The following IRAK1BP1 variants were observed in gnomAD, a reference collection of about 807,000 sequenced individuals.
The protein encoded by IRAK1BP1 is interleukin-1 receptor-associated kinase 1-binding protein 1.
IRAK1BP1 carries 24 observed loss-of-function variants against 28.0 expected under a neutral mutation model. The observed-to-expected ratio is 0.86, with a 90% CI of 0.62 to 1.20. IRAK1BP1 has a LOEUF of 1.20. Ranked by LOEUF, IRAK1BP1 falls within the 50% of genes most tolerant of loss-of-function variation. The pLI is 0.00. For synonymous variants in IRAK1BP1, 131 were observed against 116.3 expected, an observed-to-expected ratio of 1.13 and a Z score of -0.81; for missense variants, 336 against 316.7, an observed-to-expected ratio of 1.06 and a Z score of -0.46.
At chr6:78,958,578 C>A in the IRAK1BP1 span, 1 of 1,577,728 alleles carries the variant, frequency 6.3e-7, no homozygotes, top group Non-Finnish European at 8.7e-7. Context: ...TATCGAACTT[C>A]CCACATTAGG....
chr6:78,955,293 A>T, the IRAK1BP1 span: 1 of 1,588,210 alleles, frequency 6.3e-7, no homozygotes, highest in Non-Finnish European at 8.6e-7. Flanking sequence ...CTTTGAGGCA[A>T]GAATTTACCA....
chr6:78,868,845 T>C (rs1770690147), intron 1 of IRAK1BP1, among the ~76,000 whole-genome samples: 1 of 152,110 alleles, frequency 6.6e-6, no homozygotes, highest in African/African-American at 2.4e-5. Flanking sequence ...TTTTATAGAG[T>C]AGGACCCCAA....
chr6:78,871,177 A>G, intron 1 of IRAK1BP1: 1 of 784,196 alleles, frequency 1.3e-6, no homozygotes, highest in Non-Finnish European at 1.5e-6. Context: ...AATGCTACCA[A>G]GAATTACCCT....
At chr6:78,968,326 A>G in the IRAK1BP1 span, among the ~76,000 whole-genome samples, 1 of 152,222 alleles carries the variant, frequency 6.6e-6, no homozygotes, top group Admixed American at 6.5e-5. Context: ...TCTTGAAGAC[A>G]TGGGTTTTAA....
chr6:78,972,580 G>A, the IRAK1BP1 span, among the ~76,000 whole-genome samples: 5 of 152,122 alleles, frequency 3.3e-5, no homozygotes, highest in Non-Finnish European at 7.4e-5. Context: ...AAATTACTCT[G>A]AGCTACAGGA....
At chr6:78,897,158 T>G (rs1261361010) in intron 2 of IRAK1BP1, among the ~76,000 whole-genome samples, 1 of 146,930 alleles carries the variant, frequency 6.8e-6, no homozygotes, top group African/African-American at 2.5e-5. Flanking sequence ...AAGGCTGAGG[T>G]AGGAGGATCG....
downstream of IRAK1BP1, chr6:78,947,901 TC>T (rs1412670200): frequency 3.7e-6 from 2 of 536,422 alleles, no homozygotes; most frequent in Non-Finnish European, 6.5e-6. Flanking sequence ...TCACTCCTGT[TC>T]CCCTTATCAA....
downstream of IRAK1BP1, among the ~76,000 whole-genome samples, chr6:78,903,476 G>A (rs1772174030): frequency 6.6e-6 from 1 of 152,064 alleles, no homozygotes; most frequent in Non-Finnish European, 1.5e-5. Flanking sequence ...GGGCGACAGT[G>A]CGAGACTATT....
chr6:78,895,889 A>G (rs1466987969), intron 2 of IRAK1BP1, among the ~76,000 whole-genome samples: 3 of 152,228 alleles, frequency 2.0e-5, no homozygotes, highest in Non-Finnish European at 4.4e-5. Flanking sequence ...AATAAAAGAC[A>G]TCCAGAGTGG....
intron 2 of IRAK1BP1, among the ~76,000 whole-genome samples, chr6:78,888,869 GC>G (rs1447807686): frequency 2.0e-5 from 3 of 152,082 alleles, no homozygotes; most frequent in African/African-American, 7.2e-5. Context: ...TCTAATCCCA[GC>G]ACTTTGGGAG....
chr6:78,949,108 T>C (rs887853094), downstream of IRAK1BP1, among the ~76,000 whole-genome samples: 10 of 152,180 alleles, frequency 6.6e-5, no homozygotes, highest in Non-Finnish European at 1.5e-4. Context: ...GTAAACATGA[T>C]ATTAGCTGTA....
At chr6:78,875,645 C>G (rs1162583199) in intron 1 of IRAK1BP1, among the ~76,000 whole-genome samples, 1 of 152,152 alleles carries the variant, frequency 6.6e-6, no homozygotes, top group African/African-American at 2.4e-5. Context: ...CACATATTCT[C>G]ACTTATAAGT....
chr6:78,978,350 T>C, the IRAK1BP1 span, among the ~76,000 whole-genome samples: 12 of 152,052 alleles, frequency 7.9e-5, no homozygotes, highest in Admixed American at 7.9e-4. Context: ...TACTAAAACA[T>C]ACATTTCTTT....
the IRAK1BP1 span, chr6:78,954,991 A>T: frequency 7.5e-6 from 11 of 1,472,010 alleles, no homozygotes; most frequent in Middle Eastern, 3.6e-4. Context: ...AAATATATTA[A>T]TAAAAGAGCA....
At chr6:78,887,851 G>T (rs1771485836) in intron 2 of IRAK1BP1, among the ~76,000 whole-genome samples, 1 of 152,150 alleles carries the variant, frequency 6.6e-6, no homozygotes, top group South Asian at 2.1e-4. Flanking sequence ...TCCCACTCCT[G>T]GGTGTATATC....
intron 1 of IRAK1BP1, among the ~76,000 whole-genome samples, chr6:78,873,671 A>C (rs1380778561): frequency 6.6e-6 from 1 of 151,922 alleles, no homozygotes; most frequent in Non-Finnish European, 1.5e-5. Flanking sequence ...GGGTCTTACT[A>C]TGTTGTCCAG....
At position 78,902,813 on chromosome 6, in the gene IRAK1BP1, TAC is replaced by T; in HGVS notation, c.*4481_*4482del. 3.0e-6 allele frequency: 1 copy of T among 336,584 alleles called. No homozygotes were observed. The highest frequency in any genetic ancestry group is 5.4e-6 in the Non-Finnish European group (1 of 186,092). 20.8% of individuals were successfully genotyped at this position (336,584 alleles called of 1,614,324 possible). On this transcript the variant is annotated 3_prime_UTR_variant, in exon 4 of 4. Coordinates refer to ENST00000369940, the MANE Select transcript of IRAK1BP1 (RefSeq NM_001010844.4). ...ATACATACATACATACATACATACA[TAC>T]ATACATAAAATGCCCAGTATCTTAC...
chr6:78,931,444 C>T (rs1279901929), intron 4 of IRAK1BP1, among the ~76,000 whole-genome samples: 1 of 152,088 alleles, frequency 6.6e-6, no homozygotes. Context: ...GTATTTTACA[C>T]TAAAATTATC....
intron 1 of IRAK1BP1, among the ~76,000 whole-genome samples, chr6:78,877,672 T>C (rs570731868): frequency 2.2e-3 from 334 of 152,186 alleles, no homozygotes; most frequent in Non-Finnish European, 3.5e-3. Flanking sequence ...CCATGGAGCG[T>C]GAGCCGAAGC....
Sources: allele counts gnomAD v4.1 joint callset (sites outside exome capture counted in the v4.1 genomes callset), GRCh38; gene constraint gnomAD v4.1.1; transcripts MANE v1.5; gene names NCBI Gene and HGNC (gene_info 2026-07-23, HGNC 2026-07-21).